DLG2: variants seen among roughly 807,000 people sequenced by gnomAD.
DLG2 encodes the protein disks large homolog 2.
DLG2 carries 45 observed loss-of-function variants against 132.5 expected under a neutral mutation model. That is an observed-to-expected ratio of 0.34 (90% confidence interval 0.27 to 0.44). DLG2 has a LOEUF of 0.44. Ranked by LOEUF, DLG2 falls within the 20% of genes least tolerant of loss-of-function variation. DLG2 has a pLI of 1.00. For missense variants in DLG2, 1,045 were observed against 1,196.9 expected (o/e 0.87, Z 1.87); for synonymous variants, 424 against 419.6 (o/e 1.01, Z -0.13).
Position 85,025,917 on chromosome 11 carries a change from T to C in DLG2, c.357+85744A>G, listed in dbSNP as rs181105092. On this transcript the variant is annotated intron_variant, in intron 6 of 27. Transcript: ENST00000376104. Reference sequence around the variant, plus strand: ...TAAATGTTTTAGATACACATGATTATCTATTTGTTAGTACATAAAGTTAGA... The same window carrying C: ...TAAATGTTTTAGATACACATGATTACCTATTTGTTAGTACATAAAGTTAGA... Among the ~76,000 whole-genome samples, 146 of 152,036 alleles carry C rather than the reference T, an allele frequency of 9.6e-4. 1 individual carries two copies. Among genetic ancestry groups the C allele is most frequent in the African/African-American group, 3.3e-3 (138 of 41,584 alleles).
chr11:83,785,389 G>A (rs914684126), intron 18 of DLG2, among the ~76,000 whole-genome samples: 7 of 152,234 alleles, frequency 4.6e-5, no homozygotes, highest in African/African-American at 1.4e-4. Flanking sequence ...TGTCCCTACT[G>A]AAATACAAGT....
chr11:85,100,784 C>G (rs549256520), intron 6 of DLG2, among the ~76,000 whole-genome samples: 5 of 152,262 alleles, frequency 3.3e-5, no homozygotes, highest in Non-Finnish European at 7.4e-5. Flanking sequence ...ATCTGCTACT[C>G]TGAGAGTTTA....
intron 19 of DLG2, among the ~76,000 whole-genome samples, chr11:83,572,542 C>T (rs1163450977): frequency 1.3e-5 from 2 of 152,152 alleles, no homozygotes; most frequent in African/African-American, 4.8e-5. Flanking sequence ...ACCTATCTCC[C>T]CCTATTCAAG....
chr11:84,723,511 A>T (rs1161256454), intron 6 of DLG2, among the ~76,000 whole-genome samples: 1 of 152,150 alleles, frequency 6.6e-6, no homozygotes, highest in African/African-American at 2.4e-5. Context: ...TCCTCTCCAA[A>T]TAATAACTCT....
intron 6 of DLG2, among the ~76,000 whole-genome samples, chr11:84,946,987 T>A (rs2050300024): frequency 6.6e-6 from 1 of 152,316 alleles, no homozygotes; most frequent in East Asian, 1.9e-4. Context: ...CTTTCCATTA[T>A]TATAGGACAG....
At chr11:83,930,525 C>T (rs374005439) in intron 14 of DLG2, 42 bp from the exon 15 acceptor site, 1 of 1,585,134 alleles carries the variant, frequency 6.3e-7, no homozygotes, top group Non-Finnish European at 8.6e-7. Context: ...ATGGTTAGTA[C>T]ATACAAGGAA....
chr11:85,108,007 A>AAC (rs10654409), intron 6 of DLG2, among the ~76,000 whole-genome samples: 78,122 of 142,062 alleles, frequency 0.55, 22,040 homozygotes, highest in African/African-American at 0.68. Context: ...CAAACAAATA[A>AAC]ACACACACAC....
chr11:83,526,561 A>C (rs1202688040), intron 21 of DLG2, among the ~76,000 whole-genome samples: 1 of 152,182 alleles, frequency 6.6e-6, no homozygotes, highest in Non-Finnish European at 1.5e-5. Flanking sequence ...GCAGTGATAT[A>C]GGTACCTTCA....
intron 7 of DLG2, among the ~76,000 whole-genome samples, chr11:84,260,015 G>A (rs1415909879): frequency 7.6e-6 from 1 of 132,098 alleles, no homozygotes; most frequent in African/African-American, 2.6e-5. Flanking sequence ...TTATCCCCTT[G>A]GACTGGAGAG....
chr11:84,557,277 G>C (rs947180145), intron 6 of DLG2, among the ~76,000 whole-genome samples: 1 of 152,038 alleles, frequency 6.6e-6, no homozygotes, highest in African/African-American at 2.4e-5. Flanking sequence ...AGCAAAACTA[G>C]GGTTTCCATG....
chr11:83,946,972 A>G (rs2084146343), intron 14 of DLG2, among the ~76,000 whole-genome samples: 1 of 152,198 alleles, frequency 6.6e-6, no homozygotes, highest in Non-Finnish European at 1.5e-5. Flanking sequence ...TCAATATTAT[A>G]TGGATTTAGA....
At chr11:85,342,380 T>C (rs2082560078) in intron 3 of DLG2, among the ~76,000 whole-genome samples, 5 of 152,190 alleles carry the variant, frequency 3.3e-5, no homozygotes, top group Admixed American at 3.3e-4. Context: ...TAGGCCTATA[T>C]GAGGTCAGGA....
chr11:85,121,532 T>A (rs2074314227), intron 5 of DLG2, among the ~76,000 whole-genome samples: 1 of 152,054 alleles, frequency 6.6e-6, no homozygotes, highest in Non-Finnish European at 1.5e-5. Context: ...TAGTTTTTGT[T>A]TAATAAAAAG....
intron 2 of DLG2, among the ~76,000 whole-genome samples, chr11:85,611,028 C>T (rs2080961824): frequency 6.6e-6 from 1 of 152,172 alleles, no homozygotes; most frequent in African/African-American, 2.4e-5. Context: ...GGCCCTAGTA[C>T]AACTCCAGCT....
intron 6 of DLG2, among the ~76,000 whole-genome samples, chr11:85,096,129 A>T (rs2069706054): frequency 6.6e-6 from 1 of 152,150 alleles, no homozygotes; most frequent in Non-Finnish European, 1.5e-5. Context: ...ACTCTGTAAA[A>T]TGGACGAATC....
chr11:84,424,308 T>G (rs1195507919), intron 7 of DLG2, among the ~76,000 whole-genome samples: 1 of 152,084 alleles, frequency 6.6e-6, no homozygotes, highest in African/African-American at 2.4e-5. Context: ...GATTACAAAG[T>G]TGTTCAAAAT....
chr11:85,539,088 C>G (rs1239873177), intron 3 of DLG2, among the ~76,000 whole-genome samples: 1 of 151,896 alleles, frequency 6.6e-6, no homozygotes, highest in African/African-American at 2.4e-5. Flanking sequence ...ACCTGCTGCC[C>G]TATACCTGAA....
At chr11:85,322,878 C>T (rs778602230) in intron 3 of DLG2, among the ~76,000 whole-genome samples, 4 of 152,178 alleles carry the variant, frequency 2.6e-5, no homozygotes, top group Non-Finnish European at 5.9e-5. Context: ...TAACCAACAT[C>T]TCACACCTGC....
At chr11:83,887,507 T>C (rs1316751598) in intron 15 of DLG2, among the ~76,000 whole-genome samples, 1 of 152,126 alleles carries the variant, frequency 6.6e-6, no homozygotes, top group Non-Finnish European at 1.5e-5. Context: ...CACAGCCGAA[T>C]TCTACCAGAG....
Sources: allele counts gnomAD v4.1 joint callset (sites outside exome capture counted in the v4.1 genomes callset), GRCh38; gene constraint gnomAD v4.1.1; transcripts MANE v1.5; gene names NCBI Gene and HGNC (gene_info 2026-07-23, HGNC 2026-07-21).